ADGRA1: variants seen among roughly 807,000 people sequenced by gnomAD.
ADGRA1 encodes the protein adhesion G protein-coupled receptor A1.
In ADGRA1, 12 loss-of-function variants were observed where a neutral mutation model predicts 21.3. That is an observed-to-expected ratio of 0.56 (90% CI 0.36 to 0.91). The LOEUF is 0.91. ADGRA1 is among the 40% of genes least tolerant of loss of function. The pLI is 0.01. For synonymous variants in ADGRA1, 385 were observed against 368.8 expected, an observed-to-expected ratio of 1.04 and a Z score of -0.50; for missense variants, 790 against 805.6, an observed-to-expected ratio of 0.98 and a Z score of 0.23.
At chr10:133,121,982 T>G (rs1394864255) in intron 5 of ADGRA1, among the ~76,000 whole-genome samples, 3 of 150,108 alleles carry the variant, frequency 2.0e-5, no homozygotes, top group African/African-American at 7.4e-5. Context: ...TGTGTATGTG[T>G]GTGCCTGTGT....
At chr10:133,095,617 G>A in intron 2 of ADGRA1, 1 of 1,572,574 alleles carries the variant, frequency 6.4e-7, no homozygotes, top group Non-Finnish European at 8.6e-7. Flanking sequence ...CCTATTTCGG[G>A]CTTTGACTGT....
At chr10:133,095,253 G>A (rs1259460363) in intron 2 of ADGRA1, among the ~76,000 whole-genome samples, 1 of 152,156 alleles carries the variant, frequency 6.6e-6, no homozygotes, top group Non-Finnish European at 1.5e-5. Context: ...CTGGACAGAG[G>A]CCCACCCAGC....
rs1018148826 is a variant in ADGRA1 at position 133,101,795 on chromosome 10, C to T, written c.256-902C>T. Among the ~76,000 whole-genome samples the T allele has an allele frequency of 3.9e-5, 6 of 152,278 alleles. No homozygotes were observed. In the East Asian group the frequency reaches 9.7e-4, roughly 25 times the overall value. On this transcript the variant is annotated intron_variant, in intron 4 of 6. Coordinates refer to ENST00000392607, the MANE Select transcript of ADGRA1 (RefSeq NM_001083909.3). Reference sequence around the variant, plus strand: ...GGCCGGGGGAAAGGGTGGAGCCCCCCGGGGGCTGCTGTGTCTCCTGCCCCC... The same window carrying T: ...GGCCGGGGGAAAGGGTGGAGCCCCCTGGGGGCTGCTGTGTCTCCTGCCCCC...
intron 5 of ADGRA1, among the ~76,000 whole-genome samples, chr10:133,107,387 C>A (rs1851912804): frequency 6.6e-6 from 1 of 151,860 alleles, no homozygotes; most frequent in African/African-American, 2.4e-5. Context: ...ATGAGTCTCT[C>A]TTTTTTTTCT....
chr10:133,110,757 C>T (rs1851973731), intron 5 of ADGRA1, among the ~76,000 whole-genome samples: 2 of 152,214 alleles, frequency 1.3e-5, no homozygotes, highest in African/African-American at 4.8e-5. Flanking sequence ...TAGCCTGCTT[C>T]CTCTATACCC....
At chr10:133,121,836 T>C (rs1348438531) in intron 5 of ADGRA1, among the ~76,000 whole-genome samples, 3 of 145,658 alleles carry the variant, frequency 2.1e-5, no homozygotes, top group Admixed American at 6.9e-5. Flanking sequence ...CCTGTGCATA[T>C]ATGTGTGCCT....
chr10:133,128,887 G>A lies in ADGRA1; in HGVS notation c.1059G>A (p.Arg353=). The change falls in exon 7 of 7, where the codon CGG becomes CGA. Residue 353 remains arginine, a synonymous_variant. Coordinates refer to ENST00000392607, the MANE Select transcript of ADGRA1 (RefSeq NM_001083909.3). ...ACTCGCCGGGACTGGGCCAGCCACG[G>A]GGCTTCGCGCACCCACCGGGCCCCT... The part of the protein sequence containing the change: ...CLHSPGLGQP[R]GFAHPPGPCK... The A allele has an allele frequency of 1.9e-6, 3 of 1,563,208 alleles. No individual in the cohort carries two copies. The highest frequency in any genetic ancestry group is 1.2e-5 in the South Asian group (1 of 86,644).
intron 5 of ADGRA1, among the ~76,000 whole-genome samples, chr10:133,121,718 CGT>C (rs554900002): frequency 2.4e-3 from 233 of 98,576 alleles, no homozygotes; most frequent in Admixed American, 2.9e-3. Context: ...TGCCAGTGTG[CGT>C]GTGAGTGTGC....
Position 133,087,936 on chromosome 10 carries a change from G to A in ADGRA1, c.-405G>A, listed in dbSNP as rs1177246089. Reference sequence around the variant, plus strand: ...GCGGGAGGTGCGCGCAGAGGCGGCGGCGCTGCTGGCCGGGCTGGGCCGCTC... The same window carrying A: ...GCGGGAGGTGCGCGCAGAGGCGGCGACGCTGCTGGCCGGGCTGGGCCGCTC... On this transcript the variant is annotated 5_prime_UTR_variant, in exon 1 of 7. Coordinates refer to ENST00000392607, the MANE Select transcript of ADGRA1 (RefSeq NM_001083909.3). 8.1e-6 allele frequency: 8 copies of A among 984,926 alleles called. No individual in the cohort carries two copies. Among genetic ancestry groups the A allele is most frequent in the Non-Finnish European group, 9.6e-6 (8 of 829,846 alleles). 61.0% of individuals were successfully genotyped at this position (984,926 alleles called of 1,614,324 possible).
intron 5 of ADGRA1, among the ~76,000 whole-genome samples, chr10:133,121,752 G>A (rs532747714): frequency 3.9e-4 from 57 of 147,174 alleles, no homozygotes; most frequent in African/African-American, 1.4e-3. Context: ...GTGTGTGCCA[G>A]TGTGCGTGTG....
chr10:133,129,078 T>C lies in ADGRA1; in HGVS notation c.1250T>C (p.Leu417Pro), dbSNP rs1848790361. ...CACGACCCCCACCTGCACGGGTGCC[T>C]TCAGGGCAGAACTAAGCCGCCCTAC... ...FGHDPHLHGCLQGRTKPPYFS... is the reference protein window; with the variant it reads ...FGHDPHLHGCPQGRTKPPYFS... The change falls in exon 7 of 7, where the codon CTT (leucine) becomes CCT (proline). Residue 417 changes from leucine to proline, a missense_variant. Physicochemically the swap from Leu to Pro is moderately conservative, Grantham distance 98. Transcript: ENST00000392607. 6.4e-7 allele frequency: 1 copy of C among 1,550,680 alleles called. No homozygotes were observed. Among genetic ancestry groups the C allele is most frequent in the South Asian group, 1.2e-5 (1 of 84,388 alleles).
Position 133,128,927 on chromosome 10 carries a change from C to A in ADGRA1, c.1099C>A (p.Leu367Met). 1.3e-6 allele frequency: 2 copies of A among 1,557,068 alleles called. No homozygotes were observed. The highest frequency in any genetic ancestry group is 2.3e-5 in the South Asian group (2 of 85,262). ...ACCGGGCCCCTGCAAGATGACCAAC[C>A]TGCAGGCCGCGCAGGGCCACGCCAG... ...HPPGPCKMTN[L>M]QAAQGHASCL... is the part of the protein sequence containing the mutation. Residue 367 changes from leucine to methionine, a missense_variant, in exon 7 of 7, where the codon CTG becomes ATG. Leu to Met is a conservative substitution (Grantham distance 15, BLOSUM62 2). Around this residue, in one of 3 missense-constraint regions of ADGRA1, gnomAD observed 391 missense variants for 351.5 expected, o/e 1.11. Coordinates refer to ENST00000392607, the MANE Select transcript of ADGRA1 (RefSeq NM_001083909.3).
At chr10:133,096,844 C>G in intron 2 of ADGRA1, 130 bp from the exon 3 acceptor site, 1 of 1,177,892 alleles carries the variant, frequency 8.5e-7, no homozygotes, top group Admixed American at 2.2e-5. Context: ...CCCCCCTTCC[C>G]TGAGACCCCA....
chr10:133,121,883 C>G (rs1852273447), intron 5 of ADGRA1, among the ~76,000 whole-genome samples: 4 of 131,324 alleles, frequency 3.0e-5, no homozygotes. Context: ...GTGGTGTGTG[C>G]CAGTGTGCGT....
At chr10:133,102,977 G>C in intron 5 of ADGRA1, 135 bp downstream of exon 5, 1 of 993,396 alleles carries the variant, frequency 1.0e-6, no homozygotes, top group Non-Finnish European at 1.4e-6. Flanking sequence ...GAGGGTCAGT[G>C]TTCCCAGGGA....
At chr10:133,105,696 C>A (rs1052346861) in intron 5 of ADGRA1, among the ~76,000 whole-genome samples, 2 of 152,232 alleles carry the variant, frequency 1.3e-5, no homozygotes, top group African/African-American at 2.4e-5. Context: ...GCCTGGTCAG[C>A]AGAGGGGGCG....
rs1158315253 is a variant in ADGRA1 at position 133,129,006 on chromosome 10, C to T, written c.1178C>T (p.Thr393Met). Reference sequence around the variant, plus strand: ...GCCAAGATGCACTGCGAGCCACTGACGGCGGACGAGGCGCACGTGCACCTG... The same window carrying T: ...GCCAAGATGCACTGCGAGCCACTGATGGCGGACGAGGCGCACGTGCACCTG... ...CCAKMHCEPL[T>M]ADEAHVHLQE... The change falls in exon 7 of 7, where the codon ACG (threonine) becomes ATG (methionine). Residue 393 changes from threonine to methionine, a missense_variant. Around this residue, in one of 3 missense-constraint regions of ADGRA1, gnomAD observed 391 missense variants for 351.5 expected, o/e 1.11. Transcript: ENST00000392607. 7 of 1,569,224 alleles carry T rather than the reference C, an allele frequency of 4.5e-6. No individual in the cohort carries two copies. Among genetic ancestry groups the T allele is most frequent in the Admixed American group, 3.6e-5 (2 of 55,572 alleles).
chr10:133,125,168 A>G (rs1852355180), intron 5 of ADGRA1, among the ~76,000 whole-genome samples: 1 of 152,188 alleles, frequency 6.6e-6, no homozygotes, highest in Admixed American at 6.5e-5. Context: ...TCTTATACTC[A>G]AAGTGTTTCT....
In ADGRA1 at chr10:133,129,800, T is replaced by A. The variant is rs1042807071; in HGVS notation, c.*289T>A. On this transcript the variant is annotated 3_prime_UTR_variant, in exon 7 of 7. Coordinates refer to ENST00000392607, the MANE Select transcript of ADGRA1 (RefSeq NM_001083909.3). ...TTCCGCGTGCTGGTCCCGCACACGG[T>A]CATCCGGTTTCTGTCCTGTGGTCTC... 4 of 395,728 alleles carry A rather than the reference T, an allele frequency of 1.0e-5. No homozygotes were observed. Among genetic ancestry groups the A allele is most frequent in the Non-Finnish European group, 1.9e-5 (4 of 213,418 alleles). The allele number at this position is 395,728 out of a possible 1,614,324, so 24.5% of individuals were successfully genotyped here. A position where few individuals can be genotyped will look rare whatever the true frequency, so the allele number is the denominator to read the frequency against.
Sources: gnomAD v4.1 joint callset for allele counts (sites outside exome capture counted in the v4.1 genomes callset) on GRCh38, gnomAD v4.1.1 for gene constraint, gnomAD v4.1.1 regional missense constraint, MANE v1.5 for transcripts, NCBI Gene and HGNC (gene_info 2026-07-23, HGNC 2026-07-21) for gene names.